Variants in SNAPC4 observed in about 807,000 individuals in gnomAD.
SNAPC4 encodes the protein small nuclear RNA activating complex polypeptide 4, also known as snRNA-activating protein complex subunit 4.
Under a neutral mutation model 151.3 loss-of-function variants are expected in SNAPC4, and 127 were observed. That is an observed-to-expected ratio of 0.84 (90% CI 0.73 to 0.97). The LOEUF (loss-of-function observed/expected upper bound fraction) is 0.97. Among genes scored for constraint, SNAPC4 ranks in the 50% least tolerant of loss-of-function variants. The pLI is 0.00. For synonymous variants in SNAPC4, 1,002 were observed against 824.4 expected, an observed-to-expected ratio of 1.22 and a Z score of -3.69; for missense variants, 2,186 against 1,935.0, an observed-to-expected ratio of 1.13 and a Z score of -2.43.
Position 136,381,327 on chromosome 9 carries a change from T to G in SNAPC4, c.2383A>C (p.Thr795Pro). Residue 795 changes from threonine to proline, a missense_variant, in exon 19 of 24, where the codon ACC (threonine) becomes CCC (proline). Physicochemically the swap from Thr to Pro is conservative, Grantham distance 38 (BLOSUM62 -1). Coordinates refer to ENST00000684778, the MANE Select transcript of SNAPC4 (RefSeq NM_003086.4). The stretch of plus-strand genomic sequence containing the variant: ...GCTCTGCCCAAGTAGCTTACCTGGG[T>G]AAACAGGGTAAACACAGGGGTGCTG... ...LASTPVFTLF[T>P]QLFHIDTAGC... The G allele has an allele frequency of 6.2e-7, 1 of 1,612,234 alleles. No homozygotes were observed. Among genetic ancestry groups the G allele is most frequent in the Non-Finnish European group, 8.5e-7 (1 of 1,179,338 alleles).
At chr9:136,376,619 GCTCC>G in intron 22 of SNAPC4, 138 bp from the exon 23 acceptor site, 4 of 986,308 alleles carry the variant, frequency 4.1e-6, no homozygotes, top group Non-Finnish European at 6.2e-6. Flanking sequence ...GGCGGGAGCT[GCTCC>G]AGGCACTCCT....
At position 136,378,971 on chromosome 9, in the gene SNAPC4, G is replaced by T; in HGVS notation, c.2856C>A (p.Leu952=). The change falls in exon 22 of 24, where the codon CTC becomes CTA. Residue 952 remains leucine, a synonymous_variant. Transcript: ENST00000684778. Reference sequence around the variant, plus strand: ...CTGCCGCGGGGGCCCCAGGCCCAGAGAGCGGTACATTTAAGACGGTGGGAC... The same window carrying T: ...CTGCCGCGGGGGCCCCAGGCCCAGATAGCGGTACATTTAAGACGGTGGGAC... ...APGPTVLNVP[L]SGPGAPAAAK... The T allele has an allele frequency of 5.6e-6, 9 of 1,608,940 alleles. No individual in the cohort carries two copies. Among genetic ancestry groups the T allele is most frequent in the Non-Finnish European group, 7.6e-6 (9 of 1,178,706 alleles).
At chr9:136,393,682 G>C (rs975413018) in intron 7 of SNAPC4, among the ~76,000 whole-genome samples, 1 of 152,036 alleles carries the variant, frequency 6.6e-6, no homozygotes, top group South Asian at 2.1e-4. Flanking sequence ...TGGCCGTGTG[G>C]ACCGACCCCG....
intron 18 of SNAPC4, 105 bp downstream of exon 18, chr9:136,381,719 C>CT: frequency 7.0e-7 from 1 of 1,433,506 alleles, no homozygotes; most frequent in Non-Finnish European, 9.4e-7. Flanking sequence ...AAAGACTCCC[C>CT]TGCTGAGGCC....
rs746304364 is a variant in SNAPC4, at chr9:136,395,636, G to C, written c.312C>G (p.Ala104=). The part of the protein sequence containing the change: ...QEVIQEKLAE[A]NLLLAQNREQ... ...CCCGGTTCTGGGCCAGCAGCAGGTTGGCCTCAGCCAGCTTCTCCTGGATGA... is the reference window on the plus strand; with the variant it reads ...CCCGGTTCTGGGCCAGCAGCAGGTTCGCCTCAGCCAGCTTCTCCTGGATGA... The change falls in exon 4 of 24, where the codon GCC becomes GCG. Residue 104 remains alanine (A), a synonymous_variant. Coordinates refer to ENST00000684778, the MANE Select transcript of SNAPC4 (RefSeq NM_003086.4). 1.9e-6 allele frequency: 3 copies of C among 1,612,612 alleles called. No individual in the cohort carries two copies. The Admixed American group carries it at 5.0e-5, about 27-fold the overall frequency.
chr9:136,378,773 G>A lies in SNAPC4; in HGVS notation c.3054C>T (p.Cys1018=), dbSNP rs373498561. ...ALGPGQISVS[C]PESGLGQSQA... is the part of the protein sequence containing the mutation. Reference sequence around the variant, plus strand: ...GAGACTGTCCGAGACCACTCTCGGGGCAGCTCACAGAGATCTGGCCGGGGC... The same window carrying A: ...GAGACTGTCCGAGACCACTCTCGGGACAGCTCACAGAGATCTGGCCGGGGC... The change falls in exon 22 of 24, where the codon TGC becomes TGT. Residue 1018 remains cysteine (C), a synonymous_variant. Coordinates refer to ENST00000684778, the MANE Select transcript of SNAPC4 (RefSeq NM_003086.4). The A allele has an allele frequency of 5.8e-5, 89 of 1,543,926 alleles. No individual in the cohort carries two copies. The East Asian group carries it at 1.3e-3, about 23-fold the overall frequency.
chr9:136,398,949 T>C (rs1834362506), intron 1 of SNAPC4, among the ~76,000 whole-genome samples: 1 of 152,220 alleles, frequency 6.6e-6, no homozygotes, highest in Non-Finnish European at 1.5e-5. Context: ...TGGCAGGCAC[T>C]AACAGCATGG....
At position 136,382,153 on chromosome 9, in the gene SNAPC4, C is replaced by T. The variant is rs61698312; in HGVS notation, c.2068-80G>A. ...GACCCTGCCCAGTGGCCAGTGCTGC[C>T]CTCCACCCCCATCAGGGCATGATCG... On this transcript the variant is annotated intron_variant, in intron 17 of 23. Coordinates refer to ENST00000684778, the MANE Select transcript of SNAPC4 (RefSeq NM_003086.4). 274 of 1,575,310 alleles carry T rather than the reference C, an allele frequency of 1.7e-4. 2 individuals are homozygous for T. In the African/African-American group the frequency reaches 3.4e-3, roughly 19 times the overall value.
In SNAPC4 at chr9:136,384,019, T is replaced by A; in HGVS notation, c.1434A>T (p.Lys478Asn). The A allele has an allele frequency of 6.2e-7, 1 of 1,613,666 alleles. No individual in the cohort carries two copies. Among genetic ancestry groups the A allele is most frequent in the Non-Finnish European group, 8.5e-7 (1 of 1,179,916 alleles). ...IEKYGVGHWA[K>N]IASELPHRSG... ...ACCGATGGGGCAGCTCAGAAGCTAT[T>A]TTTGCCCAGTGACCTGCAAAAGCCA... is the stretch of plus-strand genomic sequence containing the variant. Residue 478 changes from lysine (K) to asparagine (N), a missense_variant, in exon 15 of 24, where the codon AAA becomes AAT. Coordinates refer to ENST00000684778, the MANE Select transcript of SNAPC4 (RefSeq NM_003086.4).
Position 136,383,621 on chromosome 9 carries a change from G to C in SNAPC4, c.1548C>G (p.Val516=), listed in dbSNP as rs373708020. Residue 516 remains valine, a synonymous_variant, in exon 16 of 24, where the codon GTC becomes GTG. Coordinates refer to ENST00000684778, the MANE Select transcript of SNAPC4 (RefSeq NM_003086.4). The surrounding 1 kb of genome is among the most constrained non-coding windows in gnomAD (Gnocchi z 4.2). ...CGCTGCTGCTGGTAGAGCTCCACCG[G>C]ACGCTGTGACGGGCCCTCCGCCGCC... ...RRRRRRARHS[V]RWSSTSSSGS... 6.8e-6 allele frequency: 11 copies of C among 1,611,390 alleles called. No homozygotes were observed. The highest frequency in any genetic ancestry group is 9.3e-6 in the Non-Finnish European group (11 of 1,179,222).
rs1382324052 is a variant in SNAPC4 at position 136,385,920 on chromosome 9, G to A, written c.1326-1106C>T. ...TTTTATTTTCCACTCATCTGCTGAT[G>A]AATGCTTGGGCTGCTTCCGGCCTTT... On this transcript the variant is annotated intron_variant, in intron 13 of 23. Coordinates refer to ENST00000684778, the MANE Select transcript of SNAPC4 (RefSeq NM_003086.4). Among the ~76,000 whole-genome samples the A allele has an allele frequency of 2.6e-5, 4 of 152,232 alleles. No homozygotes were observed. The East Asian group carries it at 7.7e-4, about 29-fold the overall frequency.
Position 136,379,838 on chromosome 9 carries a change from T to TG in SNAPC4, c.2525dup (p.Gly843ArgfsTer197). 6.2e-7 allele frequency: 1 copy of TG among 1,613,304 alleles called. No individual in the cohort carries two copies. Among genetic ancestry groups the TG allele is most frequent in the Non-Finnish European group, 8.5e-7 (1 of 1,179,698 alleles). Reference sequence around the variant, plus strand: ...ACCAGGGCAGAGAAGCAGAGTTACCTGGGGTGCTCTGGGCACTTGAGGATG... The same window carrying TG: ...ACCAGGGCAGAGAAGCAGAGTTACCTGGGGGTGCTCTGGGCACTTGAGGATG... On this transcript the variant is annotated frameshift_variant and splice_region_variant, in exon 21 of 24. Coordinates refer to ENST00000684778, the MANE Select transcript of SNAPC4 (RefSeq NM_003086.4). LOFTEE classifies it high-confidence loss of function.
Position 136,384,016 on chromosome 9 carries a change from T to A in SNAPC4, c.1437A>T (p.Ile479=). The change falls in exon 15 of 24, where the codon ATA becomes ATT. Residue 479 remains isoleucine, a synonymous_variant. Transcript: ENST00000684778. ...CAGACCGATGGGGCAGCTCAGAAGC[T>A]ATTTTTGCCCAGTGACCTGCAAAAG... ...EKYGVGHWAK[I]ASELPHRSGS... The A allele has an allele frequency of 6.2e-7, 1 of 1,613,714 alleles. No homozygotes were observed. The highest frequency in any genetic ancestry group is 8.5e-7 in the Non-Finnish European group (1 of 1,179,938).
At chr9:136,377,486 G>A (rs1034204011) in intron 22 of SNAPC4, 57 bp downstream of exon 22, 15 of 1,488,954 alleles carry the variant, frequency 1.0e-5, no homozygotes, top group Admixed American at 4.6e-5. Flanking sequence ...AGGCAGGCGA[G>A]GGCACCCCAG....
rs754534087 is a variant in SNAPC4 at position 136,378,516 on chromosome 9, C to A, written c.3311G>T (p.Gly1104Val). The A allele has an allele frequency of 8.2e-6, 13 of 1,591,638 alleles. No individual in the cohort carries two copies. Among genetic ancestry groups the A allele is most frequent in the Non-Finnish European group, 1.1e-5 (13 of 1,174,926 alleles). The change falls in exon 22 of 24, where the codon GGC (glycine) becomes GTC (valine). Residue 1104 changes from glycine to valine, a missense_variant. Physicochemically the swap from Gly to Val is moderately radical, Grantham distance 109 (BLOSUM62 -3). Coordinates refer to ENST00000684778, the MANE Select transcript of SNAPC4 (RefSeq NM_003086.4). ...VSLPRPAGTP[G>V]PAGLLATLLP... ...CAGAGTGGCCAGCAGCCCTGCGGGGCCAGGGGTCCCTGCTGGCCTGGGAAG... is the reference window on the plus strand; with the variant it reads ...CAGAGTGGCCAGCAGCCCTGCGGGGACAGGGGTCCCTGCTGGCCTGGGAAG...
At chr9:136,391,258 G>C (rs1834063720) in intron 10 of SNAPC4, among the ~76,000 whole-genome samples, 1 of 152,110 alleles carries the variant, frequency 6.6e-6, no homozygotes, top group Non-Finnish European at 1.5e-5. Context: ...CTATAATCAG[G>C]TGCTCTGCCA....
chr9:136,384,306 C>A (rs994426642), intron 14 of SNAPC4, among the ~76,000 whole-genome samples: 2 of 152,180 alleles, frequency 1.3e-5, no homozygotes, highest in African/African-American at 2.4e-5. Flanking sequence ...CTGCTCCCCC[C>A]AGGCTTCCGC....
Position 136,376,360 on chromosome 9 carries a change from A to C in SNAPC4, c.4406T>G (p.Val1469Gly), listed in dbSNP as rs1588732352. 6.2e-7 allele frequency: 1 copy of C among 1,613,078 alleles called. No homozygotes were observed. Among genetic ancestry groups the C allele is most frequent in the Non-Finnish European group, 8.5e-7 (1 of 1,179,922 alleles). The stretch of plus-strand genomic sequence containing the variant: ...CACTCAGGACTCACCTGCTGCTCAC[A>C]CCAGCCGCCTCCGCTTCCGGGTGTG... The part of the protein sequence containing the change: ...ARHTRKRRRL[V>G] Residue 1469 changes from valine to glycine, a missense_variant, in exon 23 of 24, where the codon GTG becomes GGG. Coordinates refer to ENST00000684778, the MANE Select transcript of SNAPC4 (RefSeq NM_003086.4).
In SNAPC4 at chr9:136,383,627, G is replaced by C. The variant is rs141063913; in HGVS notation, c.1542C>G (p.His514Gln). 6.2e-7 allele frequency: 1 copy of C among 1,611,036 alleles called. No individual in the cohort carries two copies. The highest frequency in any genetic ancestry group is 8.5e-7 in the Non-Finnish European group (1 of 1,178,838). ...GLRRRRRRAR[H>Q]SVRWSSTSSS... ...TGCTGGTAGAGCTCCACCGGACGCT[G>C]TGACGGGCCCTCCGCCGCCGCCTCC... is the stretch of plus-strand genomic sequence containing the variant. Residue 514 changes from histidine (H) to glutamine (Q), a missense_variant, in exon 16 of 24, where the codon CAC (histidine) becomes CAG (glutamine). Physicochemically the swap from His to Gln is conservative, Grantham distance 24. Transcript: ENST00000684778. The surrounding 1 kb of genome is among the most constrained non-coding windows in gnomAD (Gnocchi z 4.2).
Sources: allele counts gnomAD v4.1 joint callset (sites outside exome capture counted in the v4.1 genomes callset), GRCh38; gene constraint gnomAD v4.1.1; non-coding constraint Gnocchi (gnomAD v3.1); transcripts MANE v1.5; gene names NCBI Gene and HGNC (gene_info 2026-07-23, HGNC 2026-07-21).